EDC3: variants seen among roughly 807,000 people sequenced by gnomAD.
EDC3 encodes the protein enhancer of mRNA decapping 3.
EDC3 carries 20 observed loss-of-function variants against 41.8 expected under a neutral mutation model. That is an observed-to-expected ratio of 0.48 (90% CI 0.34 to 0.70). EDC3 has a LOEUF of 0.70. EDC3 is among the 30% of genes least tolerant of loss of function. EDC3 has a pLI of 0.01. For missense variants in EDC3, 444 were observed against 636.8 expected (o/e 0.70, Z 3.26); for synonymous variants, 206 against 243.2 (o/e 0.85, Z 1.42).
chr15:74,634,879 C>A (rs1489339059), intron 6 of EDC3, among the ~76,000 whole-genome samples: 2 of 152,170 alleles, frequency 1.3e-5, no homozygotes, highest in Admixed American at 1.3e-4. Flanking sequence ...TATATCATTT[C>A]TCTACTTATT....
chr15:74,675,971 T>C (rs199572612), intron 1 of EDC3, among the ~76,000 whole-genome samples: 2 of 152,208 alleles, frequency 1.3e-5, no homozygotes, highest in East Asian at 3.9e-4. Context: ...CCTTTTCAAG[T>C]CTACATAGAA....
At chr15:74,657,909 C>T (rs531301389) in intron 3 of EDC3, among the ~76,000 whole-genome samples, 16 of 152,280 alleles carry the variant, frequency 1.1e-4, no homozygotes, top group African/African-American at 3.9e-4. Context: ...GTTTCTGAAA[C>T]ACCAAATAAT....
chr15:74,673,527 G>T (rs2062764321), intron 2 of EDC3, among the ~76,000 whole-genome samples: 1 of 127,650 alleles, frequency 7.8e-6, no homozygotes, highest in African/African-American at 3.0e-5. Flanking sequence ...GTCTCATAAT[G>T]GGACTAAATT....
rs775242304 is a variant in EDC3, at chr15:74,640,506, C to T, written c.934G>A (p.Ala312Thr). The change falls in exon 5 of 7, where the codon GCC (alanine) becomes ACC (threonine). Residue 312 changes from alanine (A) to threonine (T), a missense_variant. Physicochemically the swap from Ala to Thr is moderately conservative, Grantham distance 58. Around this residue, in one of 3 missense-constraint regions of EDC3, gnomAD observed 242 missense variants for 363.8 expected, o/e 0.67. Coordinates refer to ENST00000315127, the MANE Select transcript of EDC3 (RefSeq NM_025083.5). Reference protein sequence around the residue: ...ERRLEMTGVCASQMALTLLGG... With the variant: ...ERRLEMTGVCTSQMALTLLGG... ...AGGAGGGTCAGTGCCATCTGACTGGCACACACACCTGTCATCTCCAGTCTC... is the reference window on the plus strand; with the variant it reads ...AGGAGGGTCAGTGCCATCTGACTGGTACACACACCTGTCATCTCCAGTCTC... 10 of 1,614,084 alleles carry T rather than the reference C, an allele frequency of 6.2e-6. No homozygotes were observed. Among genetic ancestry groups the T allele is most frequent in the Non-Finnish European group, 8.5e-6 (10 of 1,180,046 alleles).
intron 1 of EDC3, among the ~76,000 whole-genome samples, chr15:74,688,462 C>T (rs1330475137): frequency 6.6e-6 from 1 of 152,224 alleles, no homozygotes; most frequent in East Asian, 1.9e-4. Context: ...AGACTATTTC[C>T]AACACCTCAA....
chr15:74,684,875 C>T (rs1441351876), intron 1 of EDC3, among the ~76,000 whole-genome samples: 1 of 151,710 alleles, frequency 6.6e-6, no homozygotes, highest in African/African-American at 2.4e-5. Context: ...CTTTAGGAGG[C>T]CAAGGCTTCC....
intron 4 of EDC3, among the ~76,000 whole-genome samples, chr15:74,646,064 G>GTTTTT (rs11359170): frequency 3.9e-5 from 5 of 127,502 alleles, no homozygotes; most frequent in Non-Finnish European, 3.3e-5. Context: ...TTGTTGTTTT[G>GTTTTT]TTTTTTTTTT....
In EDC3 at chr15:74,640,677, G is replaced by A. The variant is rs1270001399; in HGVS notation, c.821-58C>T. 3.2e-5 allele frequency: 51 copies of A among 1,603,482 alleles called. 1 individual carries two copies. The South Asian group carries it at 4.1e-4, about 13-fold the overall frequency. On this transcript the variant is annotated intron_variant, in intron 4 of 6. Transcript: ENST00000315127. ...TGACTACAGAAACCAAGTCCAAACC[G>A]GGTATACTCTATCCAAGATTCTGCA...
Position 74,632,797 on chromosome 15 carries a change from C to A in EDC3, c.1342G>T (p.Glu448Ter). The A allele has an allele frequency of 6.2e-7, 1 of 1,614,264 alleles. No individual in the cohort carries two copies. Among genetic ancestry groups the A allele is most frequent in the Non-Finnish European group, 8.5e-7 (1 of 1,180,050 alleles). Residue 448 changes from glutamate to a stop codon, truncating the protein, a stop_gained, in exon 7 of 7, where the codon GAA (glutamate) becomes TAA (stop). Coordinates refer to ENST00000315127, the MANE Select transcript of EDC3 (RefSeq NM_025083.5). LOFTEE classifies it high-confidence loss of function. This position sits in a 1 kb window ranked among gnomAD's most constrained non-coding sequence, Gnocchi z 4.0. ...PVLSIDPPVH[E>*]VEQGIDAKWS... The stretch of plus-strand genomic sequence containing the variant: ...TTGGCATCAATGCCCTGTTCGACTT[C>A]ATGCACAGGAGGGTCTATGCTGAGT...
chr15:74,635,715 G>T, intron 5 of EDC3, 89 bp from the exon 6 acceptor site: 1 of 1,219,986 alleles, frequency 8.2e-7, no homozygotes, highest in Non-Finnish European at 1.2e-6. Flanking sequence ...GCACCTATTG[G>T]TCTCAGATCT....
At chr15:74,666,343 CCCTATGA>C (rs141484885) in intron 3 of EDC3, among the ~76,000 whole-genome samples, 3,552 of 152,204 alleles carry the variant, frequency 0.023, 141 homozygotes, top group African/African-American at 0.081. Context: ...CATTTTACTG[CCCTATGA>C]TCTCTTTACC....
At chr15:74,656,161 G>T in intron 3 of EDC3, 93 bp from the exon 4 acceptor site, 1 of 1,204,306 alleles carries the variant, frequency 8.3e-7, no homozygotes, top group Non-Finnish European at 1.2e-6. Context: ...GAGTGTTACA[G>T]GAACCAATGT....
rs2062540327 is a variant in EDC3 at position 74,655,788 on chromosome 15, G to A, written c.765C>T (p.Pro255=). ...GCACTATGATCCGTCGATAGACAAT[G>A]GGCTCGGACTCCAAGATGTTCTCAT... ...RHDENILESE[P]IVYRRIIVPH... is the part of the protein sequence containing the mutation. The change falls in exon 4 of 7, where the codon CCC becomes CCT. Residue 255 remains proline (P), a synonymous_variant. Transcript: ENST00000315127. The A allele has an allele frequency of 6.2e-7, 1 of 1,614,132 alleles. No individual in the cohort carries two copies. The highest frequency in any genetic ancestry group is 1.1e-5 in the South Asian group (1 of 91,076).
At chr15:74,668,722 A>AAATG (rs1398957583) in intron 3 of EDC3, among the ~76,000 whole-genome samples, 5 of 51,862 alleles carry the variant, frequency 9.6e-5, no homozygotes, top group South Asian at 8.4e-4. Context: ...CCTGTCTCAA[A>AAATG]AATGAATGAA....
intron 1 of EDC3, among the ~76,000 whole-genome samples, chr15:74,693,791 C>T (rs936977913): frequency 2.6e-5 from 4 of 152,030 alleles, no homozygotes; most frequent in Admixed American, 2.6e-4. Context: ...CGAGACCAGC[C>T]CGGCCAACAT....
intron 1 of EDC3, among the ~76,000 whole-genome samples, chr15:74,685,200 G>C (rs1269000499): frequency 6.6e-6 from 1 of 151,958 alleles, no homozygotes; most frequent in Non-Finnish European, 1.5e-5. Context: ...TTTGAGACCA[G>C]CCTAGGCAAC....
At chr15:74,694,959 TA>T (rs755076960) in intron 1 of EDC3, among the ~76,000 whole-genome samples, 2,248 of 139,756 alleles carry the variant, frequency 0.016, 21 homozygotes, top group African/African-American at 0.039. Flanking sequence ...TGCCATTCAT[TA>T]AAAAAAAAAA....
chr15:74,657,257 C>G (rs2062560414), intron 3 of EDC3, among the ~76,000 whole-genome samples: 1 of 152,264 alleles, frequency 6.6e-6, no homozygotes, highest in Non-Finnish European at 1.5e-5. Flanking sequence ...GACACCCCAC[C>G]TAGATGCTGC....
intron 2 of EDC3, 74 bp downstream of exon 2, chr15:74,674,887 A>G: frequency 6.5e-7 from 1 of 1,547,492 alleles, no homozygotes; most frequent in Non-Finnish European, 8.9e-7. Context: ...CCAAGAGAAT[A>G]CTAGCAATCA....
Sources: gnomAD v4.1 joint callset for allele counts (sites outside exome capture counted in the v4.1 genomes callset) on GRCh38, gnomAD v4.1.1 for gene constraint, gnomAD v4.1.1 regional missense constraint, Gnocchi (gnomAD v3.1) non-coding constraint, MANE v1.5 for transcripts, NCBI Gene and HGNC (gene_info 2026-07-23, HGNC 2026-07-21) for gene names.